The following GNAQ variants were observed in gnomAD, a reference collection of about 807,000 sequenced individuals.
GNAQ encodes the protein guanine nucleotide-binding protein G(q) subunit alpha.
A neutral mutation model predicts 43.9 loss-of-function variants in GNAQ; 8 were observed. The ratio of observed to expected loss-of-function variants is 0.18; its 90% confidence interval spans 0.11 to 0.33. The LOEUF (loss-of-function observed/expected upper bound fraction) is 0.33, where lower values mean the gene tolerates loss of function less well. Among genes scored for constraint, GNAQ ranks in the 10% least tolerant of loss-of-function variants. The pLI, the probability that GNAQ is intolerant of heterozygous loss-of-function variation, is 1.00. For synonymous variants in GNAQ, 155 were observed against 170.7 expected (o/e 0.91, Z 0.71); for missense variants, 158 against 450.8 (o/e 0.35, Z 5.88).
chr9:77,762,711 AAAG>A (rs1288665146), intron 5 of GNAQ, among the ~76,000 whole-genome samples: 1 of 152,064 alleles, frequency 6.6e-6, no homozygotes, highest in African/African-American at 2.4e-5. Context: ...GTCTGTGTGG[AAAG>A]AAGTAGACAT....
intron 2 of GNAQ, among the ~76,000 whole-genome samples, chr9:77,895,929 G>T (rs1828496858): frequency 6.6e-6 from 1 of 152,060 alleles, no homozygotes; most frequent in Non-Finnish European, 1.5e-5. Context: ...CGATTGTGAG[G>T]CCTCCCCAGT....
intron 1 of GNAQ, among the ~76,000 whole-genome samples, chr9:78,015,516 G>A (rs1823827725): frequency 6.6e-6 from 1 of 152,170 alleles, no homozygotes; most frequent in East Asian, 1.9e-4. Context: ...TAAGGAAGCA[G>A]ATTAGCAGCA....
intron 1 of GNAQ, among the ~76,000 whole-genome samples, chr9:78,017,405 T>C (rs1020161549): frequency 6.6e-6 from 1 of 152,222 alleles, no homozygotes. Flanking sequence ...AAGATTTATA[T>C]TAACATGGCA....
intron 1 of GNAQ, among the ~76,000 whole-genome samples, chr9:77,961,612 T>C (rs573977085): frequency 6.6e-6 from 1 of 152,326 alleles, no homozygotes; most frequent in African/African-American, 2.4e-5. Context: ...GGTATCAACG[T>C]AATAGTGAAG....
intron 2 of GNAQ, among the ~76,000 whole-genome samples, chr9:77,857,109 T>A (rs1281087881): frequency 6.6e-6 from 1 of 152,210 alleles, no homozygotes; most frequent in Non-Finnish European, 1.5e-5. Context: ...CAGCAAGACA[T>A]GCTAGGCAAG....
intron 1 of GNAQ, among the ~76,000 whole-genome samples, chr9:77,939,183 G>A (rs1829278819): frequency 6.6e-6 from 1 of 152,214 alleles, no homozygotes. Context: ...TGAGGGGCAA[G>A]GAAGGTTCTA....
chr9:77,930,500 G>A (rs765425055), intron 1 of GNAQ, among the ~76,000 whole-genome samples: 21 of 152,054 alleles, frequency 1.4e-4, no homozygotes, highest in Non-Finnish European at 1.9e-4. Context: ...TGAAAGAAAC[G>A]ATTACAGTCA....
intron 1 of GNAQ, among the ~76,000 whole-genome samples, chr9:77,975,349 A>T (rs80206902): frequency 6.6e-6 from 1 of 152,148 alleles, no homozygotes; most frequent in East Asian, 1.9e-4. Flanking sequence ...AACTGCAATA[A>T]GTGCTTTATT....
At chr9:77,783,036 GA>G (rs1826420111) in intron 5 of GNAQ, among the ~76,000 whole-genome samples, 1 of 152,186 alleles carries the variant, frequency 6.6e-6, no homozygotes, top group Non-Finnish European at 1.5e-5. Flanking sequence ...TTAGGGCAGT[GA>G]AACCATTTTG....
At chr9:77,856,672 G>T (rs1404140054) in intron 2 of GNAQ, among the ~76,000 whole-genome samples, 4 of 152,112 alleles carry the variant, frequency 2.6e-5, no homozygotes, top group Non-Finnish European at 5.9e-5. Context: ...CAAATTTAAG[G>T]AAACTTCTTT....
intron 1 of GNAQ, among the ~76,000 whole-genome samples, chr9:77,970,588 A>C (rs1823225732): frequency 6.6e-6 from 1 of 152,216 alleles, no homozygotes; most frequent in East Asian, 1.9e-4. Context: ...CTTTGAAACC[A>C]ATGAGAACAA....
At chr9:77,792,954 T>C (rs1011784795) in intron 5 of GNAQ, among the ~76,000 whole-genome samples, 7 of 152,070 alleles carry the variant, frequency 4.6e-5, no homozygotes, top group Admixed American at 2.6e-4. Flanking sequence ...TTGATTTTTT[T>C]CCCCATTTTT....
intron 1 of GNAQ, among the ~76,000 whole-genome samples, chr9:77,982,354 T>A (rs938932644): frequency 5.3e-5 from 8 of 152,264 alleles, no homozygotes; most frequent in African/African-American, 1.9e-4. Flanking sequence ...AAAACAAAAA[T>A]TTTTTTAATT....
chr9:77,979,628 A>AG (rs957525866), intron 1 of GNAQ, among the ~76,000 whole-genome samples: 213 of 152,062 alleles, frequency 1.4e-3, no homozygotes, highest in African/African-American at 5.0e-3. Context: ...TGCATGCCCA[A>AG]GGGGGGGGAG....
At chr9:77,887,136 G>A (rs914708342) in intron 2 of GNAQ, among the ~76,000 whole-genome samples, 3 of 116,878 alleles carry the variant, frequency 2.6e-5, no homozygotes, top group Middle Eastern at 4.8e-3. Flanking sequence ...ATAAAATAAA[G>A]TAAAATAAAA....
intron 1 of GNAQ, among the ~76,000 whole-genome samples, chr9:77,947,490 A>T: frequency 6.6e-6 from 1 of 152,240 alleles, no homozygotes; most frequent in Admixed American, 6.5e-5. Context: ...TGTGGGTACA[A>T]GAAACAGAAG....
At chr9:77,984,378 A>G (rs1300729536) in intron 1 of GNAQ, among the ~76,000 whole-genome samples, 1 of 152,000 alleles carries the variant, frequency 6.6e-6, no homozygotes, top group Non-Finnish European at 1.5e-5. Flanking sequence ...CATGTTGCCC[A>G]GGCTGGTCTC....
At chr9:77,768,768 G>A (rs932535862) in intron 5 of GNAQ, among the ~76,000 whole-genome samples, 5 of 152,196 alleles carry the variant, frequency 3.3e-5, no homozygotes, top group African/African-American at 1.2e-4. Context: ...AGCTTGGAGA[G>A]ACCTCTCGGT....
intron 2 of GNAQ, among the ~76,000 whole-genome samples, chr9:77,884,895 A>G (rs552325765): frequency 2.8e-4 from 43 of 152,324 alleles, no homozygotes; most frequent in Admixed American, 1.4e-3. Flanking sequence ...GGAGATTTTG[A>G]AAAGAAAGTA....
Sources: gnomAD v4.1 joint callset for allele counts (sites outside exome capture counted in the v4.1 genomes callset) on GRCh38, gnomAD v4.1.1 for gene constraint, MANE v1.5 for transcripts, NCBI Gene and HGNC (gene_info 2026-07-23, HGNC 2026-07-21) for gene names.